The following YIF1B variants were observed in gnomAD, a reference collection of about 807,000 sequenced individuals.
YIF1B encodes the protein protein YIF1B.
A neutral mutation model predicts 34.6 loss-of-function variants in YIF1B; 24 were observed. That is an observed-to-expected ratio of 0.69 (90% CI 0.50 to 0.98). The LOEUF is 0.98. YIF1B is among the 50% of genes least tolerant of loss of function. The pLI, the probability that YIF1B is intolerant of heterozygous loss-of-function variation, is 0.00. For synonymous variants in YIF1B, 186 were observed against 184.8 expected (o/e 1.01, Z -0.05); for missense variants, 368 against 429.4 (o/e 0.86, Z 1.26).
rs117905757 is a variant in YIF1B at position 38,308,830 on chromosome 19, G to T, written c.501C>A (p.Tyr167Ter). ...CCAGCGCAAGACCAGCCACCAAAAC[G>T]TAGGTGATGAAAGCCATTGCTGTGG... ...LYIPAMAFIT[Y>*]VLVAGLALGT... is the part of the protein sequence containing the mutation. The change falls in exon 5 of 8, where the codon TAC (tyrosine) becomes TAA (stop). Residue 167 changes from tyrosine (Y) to a stop codon, truncating the protein, a stop_gained. Coordinates refer to ENST00000339413, the MANE Select transcript of YIF1B (RefSeq NM_001039672.3). LOFTEE classifies it high-confidence loss of function. The T allele has an allele frequency of 1.2e-6, 2 of 1,613,950 alleles. No homozygotes were observed. Among genetic ancestry groups the T allele is most frequent in the Non-Finnish European group, 1.7e-6 (2 of 1,179,940 alleles).
chr19:38,315,874 CG>C lies in YIF1B; in HGVS notation c.43del (p.Arg15GlyfsTer45). 1.3e-6 allele frequency: 2 copies of C among 1,492,892 alleles called. No homozygotes were observed. Among genetic ancestry groups the C allele is most frequent in the South Asian group, 1.3e-5 (1 of 79,038 alleles). 92.5% of individuals were successfully genotyped at this position (1,492,892 alleles called of 1,614,324 possible). A position where few individuals can be genotyped will look rare whatever the true frequency, so the allele number is the denominator to read the frequency against. ...GLAAAAAGTPRLRKWPSKRRI... is the reference protein window; with the variant it reads ...GLAAAAAGTPXLRKWPSKRRI... ...CGGCCACGTACGCCACTTACGCAGC[CG>C]GGGCGTCCCCGCAGCCGCCGCCGCC... On this transcript the variant is annotated frameshift_variant, in exon 1 of 8. Coordinates refer to ENST00000339413, the MANE Select transcript of YIF1B (RefSeq NM_001039672.3). LOFTEE classifies it high-confidence loss of function.
At chr19:38,310,530 A>G (rs1394664174) in intron 1 of YIF1B, among the ~76,000 whole-genome samples, 1 of 151,766 alleles carries the variant, frequency 6.6e-6, no homozygotes, top group Non-Finnish European at 1.5e-5. Context: ...CCACCCATCC[A>G]CTTATCATCC....
At position 38,304,175 on chromosome 19, in the gene YIF1B, G is replaced by T; in HGVS notation, c.*1177C>A. 6.5e-7 allele frequency: 1 copy of T among 1,528,558 alleles called. No homozygotes were observed. The highest frequency in any genetic ancestry group is 1.2e-5 in the South Asian group (1 of 86,740). 94.7% of individuals were successfully genotyped at this position (1,528,558 alleles called of 1,614,324 possible). ...TGGGGCGTCTCAGCATTCCTCCAACGGGCAGGTCTCAGCGCTCCTCCCCCT... is the reference window on the plus strand; with the variant it reads ...TGGGGCGTCTCAGCATTCCTCCAACTGGCAGGTCTCAGCGCTCCTCCCCCT... On this transcript the variant is annotated 3_prime_UTR_variant, in exon 8 of 8. Coordinates refer to ENST00000339413, the MANE Select transcript of YIF1B (RefSeq NM_001039672.3).
chr19:38,318,725 C>G (rs1339777396), upstream of YIF1B, among the ~76,000 whole-genome samples: 1 of 152,164 alleles, frequency 6.6e-6, no homozygotes, highest in Admixed American at 6.5e-5. Flanking sequence ...TCTGCCAGCT[C>G]TTTAATAGAA....
upstream of YIF1B, among the ~76,000 whole-genome samples, chr19:38,318,507 T>A (rs989644392): frequency 3.3e-5 from 5 of 152,164 alleles, no homozygotes; most frequent in African/African-American, 1.2e-4. Flanking sequence ...TGGTCTCAAA[T>A]GACTACTTCA....
intron 5 of YIF1B, 72 bp downstream of exon 5, chr19:38,308,720 A>C (rs1255459120): frequency 1.3e-6 from 2 of 1,592,624 alleles, no homozygotes; most frequent in Non-Finnish European, 1.7e-6. Flanking sequence ...AGACCTTGGA[A>C]CTGAGACCTT....
chr19:38,320,083 G>A, upstream of YIF1B: 1 of 1,535,766 alleles, frequency 6.5e-7, no homozygotes, highest in South Asian at 1.2e-5. Context: ...GACGCTGCGG[G>A]CGCAGCTGCT....
chr19:38,315,482 T>C, intron 1 of YIF1B: 1 of 1,392,926 alleles, frequency 7.2e-7, no homozygotes, highest in Non-Finnish European at 9.3e-7. Flanking sequence ...GCTTCTTAAA[T>C]GAGCGGTAGG....
chr19:38,304,861 C>A lies in YIF1B; in HGVS notation c.*491G>T, dbSNP rs754564247. 3 of 1,613,712 alleles carry A rather than the reference C, an allele frequency of 1.9e-6. No individual in the cohort carries two copies. The highest frequency in any genetic ancestry group is 2.5e-6 in the Non-Finnish European group (3 of 1,179,972). Reference sequence around the variant, plus strand: ...GCCCCACAGTCCCACGCTGCTGGCTCCAAGCAGCACGAGAGCATCCCGGGC... The same window carrying A: ...GCCCCACAGTCCCACGCTGCTGGCTACAAGCAGCACGAGAGCATCCCGGGC... On this transcript the variant is annotated 3_prime_UTR_variant, in exon 8 of 8. Transcript: ENST00000339413.
In YIF1B at chr19:38,315,882, C is replaced by T. The variant is rs762150982; in HGVS notation, c.36G>A (p.Gly12=). 1 of 1,488,972 alleles carries T rather than the reference C, an allele frequency of 6.7e-7. No individual in the cohort carries two copies. Among genetic ancestry groups the T allele is most frequent in the East Asian group, 2.8e-5 (1 of 35,294 alleles). 92.2% of individuals were successfully genotyped at this position (1,488,972 alleles called of 1,614,324 possible). The change falls in exon 1 of 8, where the codon GGG becomes GGA. Residue 12 remains glycine, a synonymous_variant. Coordinates refer to ENST00000339413, the MANE Select transcript of YIF1B (RefSeq NM_001039672.3). Reference sequence around the variant, plus strand: ...TACGCCACTTACGCAGCCGGGGCGTCCCCGCAGCCGCCGCCGCCAAGCCTG... The same window carrying T: ...TACGCCACTTACGCAGCCGGGGCGTTCCCGCAGCCGCCGCCGCCAAGCCTG... The part of the protein sequence containing the change: ...HPAGLAAAAA[G]TPRLRKWPSK...
chr19:38,304,892 C>G lies in YIF1B; in HGVS notation c.*460G>C. 2 of 1,589,666 alleles carry G rather than the reference C, an allele frequency of 1.3e-6. No homozygotes were observed. Among genetic ancestry groups the G allele is most frequent in the Non-Finnish European group, 1.7e-6 (2 of 1,163,418 alleles). ...AGCACGAGAGCATCCCGGGCAAGGC[C>G]AAGAAGCCCAAAGTGAAGAAGAAGG... On this transcript the variant is annotated 3_prime_UTR_variant, in exon 8 of 8. Coordinates refer to ENST00000339413, the MANE Select transcript of YIF1B (RefSeq NM_001039672.3).
At chr19:38,308,727 C>G in intron 5 of YIF1B, 65 bp downstream of exon 5, 5 of 1,603,600 alleles carry the variant, frequency 3.1e-6, no homozygotes, top group Non-Finnish European at 4.3e-6. Flanking sequence ...GGAACTGAGA[C>G]CTTCCTGACC....
chr19:38,312,766 A>C (rs1237729927), intron 1 of YIF1B, among the ~76,000 whole-genome samples: 4 of 152,104 alleles, frequency 2.6e-5, no homozygotes, highest in African/African-American at 7.2e-5. Flanking sequence ...CTGTTGTGAC[A>C]CTCATAAACT....
rs1342822939 is a variant in YIF1B, at chr19:38,304,514, C to A, written c.*838G>T. ...AGGTAAGTCGCCTCATCACCGGCTG[C>A]GGAGGGGCGGGAAGGCTGGGGTTGC... On this transcript the variant is annotated 3_prime_UTR_variant, in exon 8 of 8. Coordinates refer to ENST00000339413, the MANE Select transcript of YIF1B (RefSeq NM_001039672.3). 1 of 1,562,398 alleles carries A rather than the reference C, an allele frequency of 6.4e-7. No individual in the cohort carries two copies. Among genetic ancestry groups the A allele is most frequent in the African/African-American group, 1.4e-5 (1 of 73,788 alleles).
chr19:38,308,701 G>A (rs539214792), intron 5 of YIF1B, 91 bp downstream of exon 5: 4 of 1,526,278 alleles, frequency 2.6e-6, no homozygotes, highest in East Asian at 4.5e-5. Context: ...TGTCCTGAAA[G>A]GGGAACTGAG....
chr19:38,320,520 G>A (rs1439133127), upstream of YIF1B, among the ~76,000 whole-genome samples: 1 of 150,726 alleles, frequency 6.6e-6, no homozygotes, highest in African/African-American at 2.4e-5. Flanking sequence ...CCTTTGCAGA[G>A]ACCAGCTGGG....
intron 1 of YIF1B, among the ~76,000 whole-genome samples, chr19:38,313,923 T>A (rs951292886): frequency 6.6e-6 from 1 of 152,262 alleles, no homozygotes. Flanking sequence ...TAACATGTGG[T>A]GCTTTCTTTT....
At chr19:38,318,630 C>G (rs1333701693), upstream of YIF1B, among the ~76,000 whole-genome samples, 1 of 152,194 alleles carries the variant, frequency 6.6e-6, no homozygotes, top group Non-Finnish European at 1.5e-5. Flanking sequence ...AGCCTTCGAT[C>G]ACTGGCACCT....
intron 7 of YIF1B, chr19:38,307,036 T>C (rs372206238): frequency 1.4e-5 from 7 of 484,870 alleles, no homozygotes; most frequent in African/African-American, 1.2e-4. Context: ...CCAACTAAGC[T>C]TGGGGTCCAC....
Sources: allele counts gnomAD v4.1 joint callset (sites outside exome capture counted in the v4.1 genomes callset), GRCh38; gene constraint gnomAD v4.1.1; transcripts MANE v1.5; gene names NCBI Gene and HGNC (gene_info 2026-07-23, HGNC 2026-07-21).